Variants in EPHA3 observed in about 807,000 individuals in gnomAD.
EPHA3 encodes the protein ephrin type-A receptor 3.
EPHA3 carries 42 observed loss-of-function variants against 107.1 expected under a neutral mutation model. The observed-to-expected ratio is 0.39, with a 90% CI of 0.31 to 0.51. EPHA3 has a LOEUF of 0.51. Among genes scored for constraint, EPHA3 ranks in the 20% least tolerant of loss-of-function variants. EPHA3 has a pLI of 0.78. For missense variants in EPHA3, 1,183 were observed against 1,211.2 expected, an observed-to-expected ratio of 0.98 and a Z score of 0.35; for synonymous variants, 461 against 424.8, an observed-to-expected ratio of 1.09 and a Z score of -1.05.
chr3:89,430,749 T>C (rs1025487221), intron 12 of EPHA3, among the ~76,000 whole-genome samples: 1 of 152,130 alleles, frequency 6.6e-6, no homozygotes, highest in Non-Finnish European at 1.5e-5. Context: ...ATTCATAAAA[T>C]ATCAGGAAAC....
intron 3 of EPHA3, among the ~76,000 whole-genome samples, chr3:89,327,731 GC>G (rs1309462039): frequency 1.3e-5 from 2 of 151,924 alleles, no homozygotes; most frequent in Non-Finnish European, 1.5e-5. Flanking sequence ...TGAGAACTGT[GC>G]TTTTTTTTTG....
intron 5 of EPHA3, among the ~76,000 whole-genome samples, chr3:89,353,056 A>T (rs146215767): frequency 2.7e-4 from 41 of 151,254 alleles, no homozygotes; most frequent in Middle Eastern, 3.5e-3. Context: ...AACTTAGTGT[A>T]TGTAGATATG....
chr3:89,304,949 G>A (rs1706578081), intron 3 of EPHA3, among the ~76,000 whole-genome samples: 1 of 152,092 alleles, frequency 6.6e-6, no homozygotes. Context: ...GTGTCATTAG[G>A]TTAATAAGCA....
chr3:89,395,407 G>A (rs1708828985), intron 5 of EPHA3, among the ~76,000 whole-genome samples: 1 of 152,170 alleles, frequency 6.6e-6, no homozygotes, highest in Non-Finnish European at 1.5e-5. Flanking sequence ...TCCTCTTGCA[G>A]AGCTGCATAT....
Position 89,460,671 on chromosome 3 carries a change from C to A in EPHA3, c.2690+10301C>A, listed in dbSNP as rs1475528204. Among the ~76,000 whole-genome samples the A allele has an allele frequency of 4.5e-5, 6 of 132,502 alleles. No individual in the cohort carries two copies. The South Asian group carries it at 7.2e-4, about 16-fold the overall frequency. 86.9% of individuals were successfully genotyped at this position (132,502 alleles called of 152,430 possible). ...ACCATATCCTTCAAGACAAATCGAA[C>A]AACCAAAAGACAATCTGCCTTTATT... On this transcript the variant is annotated intron_variant, in intron 15 of 16. Transcript: ENST00000336596.
chr3:89,178,820 A>C (rs1387410176), intron 2 of EPHA3, among the ~76,000 whole-genome samples: 4 of 151,906 alleles, frequency 2.6e-5, no homozygotes, highest in African/African-American at 9.7e-5. Context: ...AAAGTGTTTT[A>C]TATCAGTTAC....
rs567248295 is a variant in EPHA3 at position 89,427,424 on chromosome 3, A to C, written c.2075-1682A>C. 3.3e-5 allele frequency among the ~76,000 whole-genome samples: 5 copies of C among 152,006 alleles called. No individual in the cohort carries two copies. The South Asian group carries it at 1.0e-3, about 31-fold the overall frequency. On this transcript the variant is annotated intron_variant, in intron 11 of 16. Transcript: ENST00000336596. ...GCAAACTAACCTCATGATAAATAAGACACATAGGAGGAAAAGTTGTGTTAT... is the reference window on the plus strand; with the variant it reads ...GCAAACTAACCTCATGATAAATAAGCCACATAGGAGGAAAAGTTGTGTTAT...
intron 2 of EPHA3, among the ~76,000 whole-genome samples, chr3:89,174,855 A>C (rs931381905): frequency 1.3e-5 from 2 of 151,948 alleles, no homozygotes; most frequent in Non-Finnish European, 2.9e-5. Flanking sequence ...TTGACCCTAC[A>C]TTTTTAAAAA....
chr3:89,264,007 G>A (rs1264481197), intron 3 of EPHA3, among the ~76,000 whole-genome samples: 1 of 152,116 alleles, frequency 6.6e-6, no homozygotes, highest in East Asian at 1.9e-4. Flanking sequence ...AAAAATCCAC[G>A]TCCATCCCAT....
chr3:89,308,581 T>G (rs1706687009), intron 3 of EPHA3, among the ~76,000 whole-genome samples: 1 of 150,430 alleles, frequency 6.6e-6, no homozygotes, highest in Admixed American at 6.7e-5. Context: ...GACACATTAT[T>G]TATGGACTAC....
intron 3 of EPHA3, among the ~76,000 whole-genome samples, chr3:89,235,862 A>T: frequency 1.3e-5 from 2 of 151,936 alleles, no homozygotes; most frequent in South Asian, 4.1e-4. Flanking sequence ...ATATAATTGA[A>T]AATATATAAA....
rs892434957 is a variant in EPHA3 at position 89,275,768 on chromosome 3, C to T, written c.815-65148C>T. Among the ~76,000 whole-genome samples the T allele has an allele frequency of 5.3e-5, 8 of 151,938 alleles. No homozygotes were observed. The East Asian group carries it at 9.6e-4, about 18-fold the overall frequency. On this transcript the variant is annotated intron_variant, in intron 3 of 16. Coordinates refer to ENST00000336596, the MANE Select transcript of EPHA3 (RefSeq NM_005233.6). Reference sequence around the variant, plus strand: ...GTTTAAGTTTTCTGACTCTGTATCACGGAAAAATCTTGGTTTATTTTATTC... The same window carrying T: ...GTTTAAGTTTTCTGACTCTGTATCATGGAAAAATCTTGGTTTATTTTATTC...
intron 15 of EPHA3, among the ~76,000 whole-genome samples, chr3:89,455,549 G>T (rs182516553): frequency 3.1e-4 from 47 of 152,312 alleles, no homozygotes; most frequent in African/African-American, 1.1e-3. Flanking sequence ...AACCAGAGAA[G>T]TAAGATGATT....
chr3:89,234,115 T>A (rs780556089), intron 3 of EPHA3, among the ~76,000 whole-genome samples: 1 of 152,188 alleles, frequency 6.6e-6, no homozygotes, highest in African/African-American at 2.4e-5. Context: ...TAACAAATTA[T>A]GCCATGAAAG....
At chr3:89,411,451 C>CA (rs1709152745) in intron 9 of EPHA3, among the ~76,000 whole-genome samples, 1 of 151,872 alleles carries the variant, frequency 6.6e-6, no homozygotes, top group Admixed American at 6.6e-5. Flanking sequence ...TCTGCATTCC[C>CA]TATTTGCCCT....
chr3:89,363,684 G>A (rs1307215779), intron 5 of EPHA3, among the ~76,000 whole-genome samples: 1 of 149,516 alleles, frequency 6.7e-6, no homozygotes, highest in Non-Finnish European at 1.5e-5. Context: ...GTGTGTGCGT[G>A]TGTGTGTGTG....
chr3:89,162,981 A>C (rs1704983442), intron 2 of EPHA3, among the ~76,000 whole-genome samples: 1 of 152,234 alleles, frequency 6.6e-6, no homozygotes, highest in East Asian at 1.9e-4. Context: ...AGCCTCTTGT[A>C]TCAACATAGT....
At chr3:89,213,528 G>A (rs1704155299) in intron 3 of EPHA3, among the ~76,000 whole-genome samples, 1 of 151,914 alleles carries the variant, frequency 6.6e-6, no homozygotes, top group Non-Finnish European at 1.5e-5. Flanking sequence ...TACAGTTGCA[G>A]CCAGGCAATA....
At chr3:89,160,237 T>TAA (rs985251754) in intron 2 of EPHA3, among the ~76,000 whole-genome samples, 7 of 151,988 alleles carry the variant, frequency 4.6e-5, no homozygotes, top group Admixed American at 4.6e-4. Flanking sequence ...CTTCTGGGGG[T>TAA]AACAGACAAC....
Sources: allele counts gnomAD v4.1 joint callset (sites outside exome capture counted in the v4.1 genomes callset), GRCh38; gene constraint gnomAD v4.1.1; transcripts MANE v1.5; gene names NCBI Gene and HGNC (gene_info 2026-07-23, HGNC 2026-07-21).